The following ARID4B variants were observed in gnomAD, a reference collection of about 807,000 sequenced individuals.
ARID4B encodes AT-rich interaction domain 4B, also known as AT-rich interactive domain-containing protein 4B.
A neutral mutation model predicts 147.5 loss-of-function variants in ARID4B; 26 were observed. The observed-to-expected ratio is 0.18, with a 90% CI of 0.13 to 0.24. The LOEUF (loss-of-function observed/expected upper bound fraction) is 0.24, where lower values mean the gene tolerates loss of function less well. ARID4B is among the 10% of genes least tolerant of loss of function. The pLI, the probability that ARID4B is intolerant of heterozygous loss-of-function variation, is 1.00. For synonymous variants in ARID4B, 512 were observed against 507.9 expected (o/e 1.01, Z -0.11); for missense variants, 1,179 against 1,511.5 (o/e 0.78, Z 3.65).
chr1:235,185,422 T>C (rs755663289), intron 19 of ARID4B, among the ~76,000 whole-genome samples: 17 of 152,214 alleles, frequency 1.1e-4, no homozygotes, highest in Non-Finnish European at 2.2e-4. Context: ...AATTTCCCCT[T>C]ATTCATCCTA....
At chr1:235,215,718 G>A (rs2103013440) in intron 16 of ARID4B, among the ~76,000 whole-genome samples, 1 of 151,744 alleles carries the variant, frequency 6.6e-6, no homozygotes, top group African/African-American at 2.4e-5. Flanking sequence ...AAGTAGCTGG[G>A]ACTACAGGCA....
chr1:235,199,805 C>T (rs1278459102), intron 17 of ARID4B, among the ~76,000 whole-genome samples: 1 of 152,072 alleles, frequency 6.6e-6, no homozygotes, highest in Non-Finnish European at 1.5e-5. Context: ...TATTTCAAAA[C>T]CTAATGAGAC....
chr1:235,181,471 C>T, intron 20 of ARID4B, 114 bp downstream of exon 20: 1 of 1,351,610 alleles, frequency 7.4e-7, no homozygotes, highest in Non-Finnish European at 1.0e-6. Flanking sequence ...TTACCATGTT[C>T]ACACAAATAT....
chr1:235,314,015 T>A (rs1258909493), intron 2 of ARID4B, among the ~76,000 whole-genome samples: 1 of 151,692 alleles, frequency 6.6e-6, no homozygotes, highest in Non-Finnish European at 1.5e-5. Context: ...ACCGAACTAA[T>A]AATAATAGCT....
At chr1:235,263,804 G>A (rs1355940339) in intron 2 of ARID4B, among the ~76,000 whole-genome samples, 4 of 151,460 alleles carry the variant, frequency 2.6e-5, no homozygotes, top group Admixed American at 1.3e-4. Context: ...TGGCTAACAC[G>A]GTGAAACCCC....
chr1:235,169,886 TC>T (rs1229261137), intron 23 of ARID4B, among the ~76,000 whole-genome samples: 1 of 152,212 alleles, frequency 6.6e-6, no homozygotes, highest in African/African-American at 2.4e-5. Flanking sequence ...GGTCTCGAAC[TC>T]CTGACCTCAG....
intron 19 of ARID4B, among the ~76,000 whole-genome samples, chr1:235,186,113 G>A (rs774393310): frequency 6.6e-6 from 1 of 151,950 alleles, no homozygotes; most frequent in African/African-American, 2.4e-5. Flanking sequence ...GGGACTACAG[G>A]TGCATGCCAC....
intron 20 of ARID4B, chr1:235,181,084 G>A: frequency 3.0e-6 from 3 of 1,015,766 alleles, no homozygotes; most frequent in Non-Finnish European, 3.5e-6. Context: ...AGTTAGTCAG[G>A]CTTGAAAATC....
intron 1 of ARID4B, chr1:235,327,511 G>A (rs1371186535): frequency 6.6e-6 from 1 of 152,324 alleles, no homozygotes; most frequent in East Asian, 1.9e-4. Context: ...GAGGGCCGAG[G>A]GCCCCGGAGG....
rs1667230517 is a variant in ARID4B at position 235,218,353 on chromosome 1, C to A, written c.1583+1440G>T. ...TATTCTATAAAATAAGCAGAAGCAC[C>A]AACTTAAAAAATTAGCAAAGAAAAA... On this transcript the variant is annotated intron_variant, in intron 16 of 23. Transcript: ENST00000264183. 2.0e-5 allele frequency among the ~76,000 whole-genome samples: 3 copies of A among 151,944 alleles called. No individual in the cohort carries two copies. In the South Asian group the frequency reaches 6.2e-4, roughly 32 times the overall value.
intron 2 of ARID4B, among the ~76,000 whole-genome samples, chr1:235,287,270 AT>A (rs34889138): frequency 5.4e-4 from 81 of 149,276 alleles, no homozygotes; most frequent in Middle Eastern, 3.4e-3. Context: ...GAAAAAATAA[AT>A]TTTTTTTTTT....
chr1:235,204,309 G>T (rs760321941), intron 17 of ARID4B, among the ~76,000 whole-genome samples: 1 of 152,102 alleles, frequency 6.6e-6, no homozygotes, highest in Non-Finnish European at 1.5e-5. Flanking sequence ...GTGACGGAGC[G>T]AAACTCCGCT....
At chr1:235,269,667 CAT>C (rs1486067059) in intron 2 of ARID4B, among the ~76,000 whole-genome samples, 3 of 151,998 alleles carry the variant, frequency 2.0e-5, no homozygotes, top group South Asian at 4.1e-4. Context: ...TATACACACA[CAT>C]ACAAATCTGT....
At chr1:235,261,812 T>C (rs979975756) in intron 2 of ARID4B, among the ~76,000 whole-genome samples, 3 of 152,236 alleles carry the variant, frequency 2.0e-5, no homozygotes, top group Non-Finnish European at 2.9e-5. Flanking sequence ...CTGCTTATAG[T>C]AATTCCATAG....
chr1:235,263,926 G>A (rs1228803237), intron 2 of ARID4B, among the ~76,000 whole-genome samples: 1 of 151,884 alleles, frequency 6.6e-6, no homozygotes, highest in African/African-American at 2.4e-5. Context: ...CCTGGGAGGC[G>A]GGGCTTGCAG....
chr1:235,261,052 A>G (rs942441511), intron 2 of ARID4B, among the ~76,000 whole-genome samples: 2 of 152,166 alleles, frequency 1.3e-5, no homozygotes, highest in African/African-American at 2.4e-5. Flanking sequence ...ATTCATTCAA[A>G]TATTTATTTA....
chr1:235,183,309 C>T lies in ARID4B; in HGVS notation c.2126-516G>A, dbSNP rs576824528. ...CAGCAAGCTCTGCCTCCTGGGTTCACGCCATTCTCCTGCCTCAGCCTCCTG... is the reference window on the plus strand; with the variant it reads ...CAGCAAGCTCTGCCTCCTGGGTTCATGCCATTCTCCTGCCTCAGCCTCCTG... On this transcript the variant is annotated intron_variant, in intron 19 of 23. Coordinates refer to ENST00000264183, the MANE Select transcript of ARID4B (RefSeq NM_016374.6). 1.3e-4 allele frequency among the ~76,000 whole-genome samples: 19 copies of T among 151,818 alleles called. 1 individual carries two copies. In the South Asian group the frequency reaches 2.3e-3, roughly 18 times the overall value.
At chr1:235,302,908 T>C (rs937506437) in intron 2 of ARID4B, among the ~76,000 whole-genome samples, 1 of 151,524 alleles carries the variant, frequency 6.6e-6, no homozygotes. Flanking sequence ...TAGAATTCAG[T>C]TTGAGAGTTT....
At chr1:235,280,478 AAT>A (rs1173601272) in intron 2 of ARID4B, among the ~76,000 whole-genome samples, 1 of 152,240 alleles carries the variant, frequency 6.6e-6, no homozygotes, top group Non-Finnish European at 1.5e-5. Flanking sequence ...ATCGCAAAGA[AAT>A]AGTCATGATC....
Sources: allele counts gnomAD v4.1 joint callset (sites outside exome capture counted in the v4.1 genomes callset), GRCh38; gene constraint gnomAD v4.1.1; transcripts MANE v1.5; gene names NCBI Gene and HGNC (gene_info 2026-07-23, HGNC 2026-07-21).